NDUFA10: variants seen among roughly 807,000 people sequenced by gnomAD.
NDUFA10 encodes NADH dehydrogenase [ubiquinone] 1 alpha subcomplex subunit 10, mitochondrial.
NDUFA10 carries 40 observed loss-of-function variants against 47.8 expected under a neutral mutation model. That is an observed-to-expected ratio of 0.84 (90% CI 0.65 to 1.09). The LOEUF (loss-of-function observed/expected upper bound fraction) is 1.09. Ranked by LOEUF, NDUFA10 falls within the 50% of genes least tolerant of loss-of-function variation. The pLI, the probability that NDUFA10 is intolerant of heterozygous loss-of-function variation, is 0.00. For synonymous variants in NDUFA10, 183 were observed against 172.2 expected (o/e 1.06, Z -0.49); for missense variants, 413 against 451.1 (o/e 0.92, Z 0.76).
intron 5 of NDUFA10, 182 bp from the exon 6 acceptor site, chr2:240,011,878 A>G (rs1697158573): frequency 1.5e-6 from 1 of 647,706 alleles, no homozygotes; most frequent in African/African-American, 1.8e-5. Context: ...TTCTCCTTCT[A>G]CTACAGTGAA....
intron 4 of NDUFA10, among the ~76,000 whole-genome samples, chr2:239,936,639 A>T (rs888020358): frequency 1.3e-5 from 2 of 152,130 alleles, no homozygotes; most frequent in African/African-American, 4.8e-5. Flanking sequence ...TTTGCTGTGA[A>T]CCTAAACCTG....
intron 4 of NDUFA10, among the ~76,000 whole-genome samples, chr2:239,952,111 CAT>C (rs1474802812): frequency 1.3e-5 from 2 of 152,162 alleles, no homozygotes; most frequent in Non-Finnish European, 2.9e-5. Context: ...ACCAGCAACA[CAT>C]GTGCCACACC....
intron 1 of NDUFA10, 63 bp downstream of exon 1, chr2:240,025,164 T>TGCCCCCCCCCCCCCCCCCCCCCC: frequency 3.4e-6 from 2 of 594,916 alleles, no homozygotes; most frequent in Non-Finnish European, 2.7e-6. Flanking sequence ...GTGGAACTGC[T>TGCCCCCCCCCCCCCCCCCCCCCC]CCCCACCCCG....
chr2:239,900,781 C>A (rs1022877119), intron 4 of NDUFA10, among the ~76,000 whole-genome samples: 1 of 152,238 alleles, frequency 6.6e-6, no homozygotes, highest in African/African-American at 2.4e-5. Flanking sequence ...GGCCCTCACT[C>A]TCTTCAATTC....
downstream of NDUFA10, among the ~76,000 whole-genome samples, chr2:239,955,110 G>T (rs112920376): frequency 8.9e-3 from 1,348 of 152,312 alleles, 31 homozygotes; most frequent in African/African-American, 0.03. Flanking sequence ...ATTTCAATAG[G>T]AAGGAGTTTA....
chr2:239,931,308 C>T (rs568557047), intron 4 of NDUFA10, among the ~76,000 whole-genome samples: 7 of 152,312 alleles, frequency 4.6e-5, no homozygotes, highest in Admixed American at 6.5e-5. Flanking sequence ...GCAGGCACCT[C>T]GCTCCAGCCC....
At chr2:239,921,655 G>T (rs1559283675) in intron 4 of NDUFA10, among the ~76,000 whole-genome samples, 2 of 134,462 alleles carry the variant, frequency 1.5e-5, no homozygotes, top group Admixed American at 1.4e-4. Context: ...CAAACCTCTT[G>T]CTACTACAGA....
chr2:239,911,762 C>A (rs566556678), intron 4 of NDUFA10, among the ~76,000 whole-genome samples: 1 of 151,784 alleles, frequency 6.6e-6, no homozygotes, highest in Non-Finnish European at 1.5e-5. Flanking sequence ...ATCCCCCAGT[C>A]TCTCTCTTGT....
rs150395623 is a variant in NDUFA10, at chr2:239,943,850, C to T, written c.294+46224G>A. On this transcript the variant is annotated intron_variant, in intron 4 of 5. Transcript: ENST00000419408. Reference sequence around the variant, plus strand: ...AGAGCTGGACCTGCAGTCCAAGACTCCTTGGGGATGAGGGGTCTAGGGTTT... The same window carrying T: ...AGAGCTGGACCTGCAGTCCAAGACTTCTTGGGGATGAGGGGTCTAGGGTTT... Among the ~76,000 whole-genome samples the T allele has an allele frequency of 2.7e-3, 405 of 152,290 alleles. 1 individual carries two copies. The highest frequency in any genetic ancestry group is 6.8e-3 in the Middle Eastern group (2 of 294).
rs372466731 is a variant in NDUFA10, at chr2:239,945,795, G to A, written c.294+44279C>T. On this transcript the variant is annotated intron_variant, in intron 4 of 5. Coordinates refer to the NDUFA10 transcript ENST00000419408. The surrounding 1 kb of genome is among the most constrained non-coding windows in gnomAD (Gnocchi z 4.6). ...GGCATCACGGCCAAACGTGCAGAGT[G>A]GACCACTCCAGACCCCCCTGAAGGC... 1.3e-5 allele frequency among the ~76,000 whole-genome samples: 2 copies of A among 152,024 alleles called. No individual in the cohort carries two copies. The highest frequency in any genetic ancestry group is 2.1e-4 in the South Asian group (1 of 4,820).
Position 240,014,807 on chromosome 2 carries a change from G to A in NDUFA10, c.601C>T (p.Pro201Ser). ...KSVTICDYLP[P>S]HLVIYIDVPV... ...ACATCGATGTAAATCACCAGGTGGG[G>A]GGGCAGGTAATCGCAGATGGTGACG... is the stretch of plus-strand genomic sequence containing the variant. Residue 201 changes from proline (P) to serine (S), a missense_variant, in exon 5 of 10, where the codon CCC becomes TCC. Transcript: ENST00000252711. 6.2e-7 allele frequency: 1 copy of A among 1,614,188 alleles called. No homozygotes were observed. The highest frequency in any genetic ancestry group is 8.5e-7 in the Non-Finnish European group (1 of 1,180,038).
chr2:240,017,803 C>G, intron 4 of NDUFA10: 1 of 1,552,410 alleles, frequency 6.4e-7, no homozygotes, highest in African/African-American at 1.4e-5. Context: ...GCCTCCTCCA[C>G]AGAATGGTCA....
chr2:239,963,324 G>T (rs926558083), intron 9 of NDUFA10, among the ~76,000 whole-genome samples: 1 of 152,226 alleles, frequency 6.6e-6, no homozygotes, highest in Non-Finnish European at 1.5e-5. Context: ...GGCGTCAGGA[G>T]AGTGAGGGAC....
chr2:239,990,470 T>C lies in NDUFA10; in HGVS notation c.891-288A>G, dbSNP rs369856059. Among the ~76,000 whole-genome samples, 117 of 152,230 alleles carry C rather than the reference T, an allele frequency of 7.7e-4. 3 individuals are homozygous for C. The highest frequency in any genetic ancestry group is 2.4e-3 in the African/African-American group (98 of 41,534). The stretch of plus-strand genomic sequence containing the variant: ...GGGAATGGATGCTGTTTTGGAGACA[T>C]AGAAAAAGGAGGCAAAGTGTGCTTT... On this transcript the variant is annotated intron_variant, in intron 8 of 9. Coordinates refer to ENST00000252711, the MANE Select transcript of NDUFA10 (RefSeq NM_004544.4).
chr2:240,007,656 A>T (rs1436924554), intron 6 of NDUFA10, among the ~76,000 whole-genome samples: 1 of 152,204 alleles, frequency 6.6e-6, no homozygotes, highest in Non-Finnish European at 1.5e-5. Flanking sequence ...GGCGTGACAG[A>T]CCACAGCCAT....
intron 4 of NDUFA10, among the ~76,000 whole-genome samples, chr2:239,921,891 T>C (rs1693991951): frequency 6.6e-6 from 1 of 150,986 alleles, no homozygotes; most frequent in South Asian, 2.1e-4. Flanking sequence ...CCTCCTTCCC[T>C]CTCTCCTTCC....
At chr2:239,914,612 CAG>C (rs568964490) in intron 4 of NDUFA10, among the ~76,000 whole-genome samples, 10,257 of 119,120 alleles carry the variant, frequency 0.086, 1,148 homozygotes, top group African/African-American at 0.11. Context: ...CACAAATATA[CAG>C]AGATACACAT....
intron 8 of NDUFA10, among the ~76,000 whole-genome samples, chr2:240,002,568 C>G (rs182611496): frequency 6.6e-6 from 1 of 152,028 alleles, no homozygotes; most frequent in East Asian, 1.9e-4. Context: ...TACCTCACTG[C>G]CATAATCTTA....
chr2:240,004,833 C>T (rs1404208497), intron 8 of NDUFA10, among the ~76,000 whole-genome samples: 5 of 152,186 alleles, frequency 3.3e-5, no homozygotes, highest in African/African-American at 1.2e-4. Flanking sequence ...TAGCTACTCA[C>T]CACCCTGTTA....
Sources: gnomAD v4.1 joint callset for allele counts (sites outside exome capture counted in the v4.1 genomes callset) on GRCh38, gnomAD v4.1.1 for gene constraint, Gnocchi (gnomAD v3.1) non-coding constraint, MANE v1.5 for transcripts, NCBI Gene and HGNC (gene_info 2026-07-23, HGNC 2026-07-21) for gene names.